The following MYO3B variants were observed in gnomAD, a reference collection of about 807,000 sequenced individuals.
MYO3B encodes the protein myosin-IIIb.
Under a neutral mutation model 174.6 loss-of-function variants are expected in MYO3B, and 156 were observed. The ratio of observed to expected loss-of-function variants is 0.89; its 90% confidence interval spans 0.78 to 1.02. MYO3B has a LOEUF of 1.02. Among genes scored for constraint, MYO3B ranks in the 50% least tolerant of loss-of-function variants. MYO3B has a pLI of 0.00. For missense variants in MYO3B, 1,632 were observed against 1,639.4 expected (o/e 1.00, Z 0.08); for synonymous variants, 563 against 569.1 (o/e 0.99, Z 0.15).
chr2:170,620,566 C>T (rs894981264), intron 32 of MYO3B, among the ~76,000 whole-genome samples: 1 of 152,202 alleles, frequency 6.6e-6, no homozygotes, highest in African/African-American at 2.4e-5. Context: ...GCATGAGATT[C>T]CCATGTCAGA....
At chr2:170,526,152 A>G (rs189851457) in intron 30 of MYO3B, among the ~76,000 whole-genome samples, 23 of 152,314 alleles carry the variant, frequency 1.5e-4, no homozygotes, top group African/African-American at 5.5e-4. Flanking sequence ...TGAATTACTT[A>G]CGAGCTATGA....
At chr2:170,440,481 A>G (rs1288263869) in intron 22 of MYO3B, among the ~76,000 whole-genome samples, 1 of 152,178 alleles carries the variant, frequency 6.6e-6, no homozygotes, top group African/African-American at 2.4e-5. Context: ...TTTTTGGTGT[A>G]AAAGTCTTTT....
intron 25 of MYO3B, among the ~76,000 whole-genome samples, chr2:170,470,937 T>C (rs1684941482): frequency 6.6e-6 from 1 of 152,168 alleles, no homozygotes; most frequent in South Asian, 2.1e-4. Context: ...GTATTCCAAA[T>C]ATTAGTCCCT....
chr2:170,478,522 T>TACACACACACAC (rs60349340), intron 25 of MYO3B, among the ~76,000 whole-genome samples: 15 of 126,100 alleles, frequency 1.2e-4, no homozygotes, highest in African/African-American at 3.7e-4. Flanking sequence ...GGTGTTATTG[T>TACACACACACAC]ACACACACAC....
At chr2:170,438,608 T>C (rs2094774499) in intron 22 of MYO3B, among the ~76,000 whole-genome samples, 1 of 152,144 alleles carries the variant, frequency 6.6e-6, no homozygotes, top group South Asian at 2.1e-4. Flanking sequence ...GTTTCTTTGA[T>C]GATGACCATC....
rs562551371 is a variant in MYO3B, at chr2:170,631,815, A to C, written c.3734-19813A>C. On this transcript the variant is annotated intron_variant, in intron 32 of 34. Coordinates refer to ENST00000408978, the MANE Select transcript of MYO3B (RefSeq NM_138995.5). ...AGGGATGGAGGAAGATCTACCAAGCAAACGGAAAACAAAAAAAGGCAGGGG... is the reference window on the plus strand; with the variant it reads ...AGGGATGGAGGAAGATCTACCAAGCCAACGGAAAACAAAAAAAGGCAGGGG... 3.0e-4 allele frequency among the ~76,000 whole-genome samples: 45 copies of C among 152,314 alleles called. No homozygotes were observed. In the South Asian group the frequency reaches 9.1e-3, roughly 31 times the overall value.
intron 22 of MYO3B, among the ~76,000 whole-genome samples, chr2:170,416,478 G>A (rs10207384): frequency 0.95 from 141,237 of 148,820 alleles, 67,402 homozygotes; most frequent in East Asian, 1. Context: ...AGCTAAGATT[G>A]TGCCGTTGCA....
At chr2:170,444,786 A>G (rs1233272838) in intron 23 of MYO3B, among the ~76,000 whole-genome samples, 2 of 152,218 alleles carry the variant, frequency 1.3e-5, no homozygotes, top group Non-Finnish European at 2.9e-5. Flanking sequence ...TGTTAAAAAT[A>G]ATTTTTTACC....
chr2:170,496,636 T>A (rs539309093), intron 25 of MYO3B, among the ~76,000 whole-genome samples: 23 of 148,572 alleles, frequency 1.5e-4, no homozygotes, highest in East Asian at 1.4e-3. Flanking sequence ...ATACATATTT[T>A]TATATATATG....
intron 10 of MYO3B, 150 bp from the exon 11 acceptor site, chr2:170,382,923 G>T (rs1003629189): frequency 5.3e-6 from 3 of 563,756 alleles, no homozygotes; most frequent in African/African-American, 3.7e-5. Flanking sequence ...TTAATGAATT[G>T]GGATCATTAG....
intron 7 of MYO3B, among the ~76,000 whole-genome samples, chr2:170,324,657 C>T (rs557993555): frequency 2.6e-5 from 4 of 152,334 alleles, no homozygotes; most frequent in East Asian, 3.9e-4. Context: ...CACTTTTCAG[C>T]GCTGAATCTA....
chr2:170,192,298 TC>T (rs1194830212), intron 1 of MYO3B, among the ~76,000 whole-genome samples: 1 of 131,692 alleles, frequency 7.6e-6, no homozygotes, highest in Non-Finnish European at 1.7e-5. Context: ...TCTTTTGGGT[TC>T]AATTTTTTTT....
chr2:170,399,830 G>A (rs2094463663), intron 16 of MYO3B, among the ~76,000 whole-genome samples: 1 of 152,164 alleles, frequency 6.6e-6, no homozygotes, highest in African/African-American at 2.4e-5. Context: ...AGAGGTTCAG[G>A]TTGCAGAGCA....
chr2:170,233,817 A>G (rs2093038349), intron 6 of MYO3B, among the ~76,000 whole-genome samples: 1 of 152,224 alleles, frequency 6.6e-6, no homozygotes, highest in African/African-American at 2.4e-5. Flanking sequence ...TTTCTGGAAG[A>G]GAGCAGGAAT....
chr2:170,563,413 A>G (rs888572708), intron 32 of MYO3B, among the ~76,000 whole-genome samples: 4 of 152,172 alleles, frequency 2.6e-5, no homozygotes, highest in Non-Finnish European at 5.9e-5. Flanking sequence ...ATGAGAAGAG[A>G]GATGACCTTC....
chr2:170,201,426 A>C (rs2092660182), intron 3 of MYO3B, among the ~76,000 whole-genome samples: 1 of 152,156 alleles, frequency 6.6e-6, no homozygotes, highest in African/African-American at 2.4e-5. Flanking sequence ...ACCAGCCCTC[A>C]CTTCACTGTC....
intron 32 of MYO3B, among the ~76,000 whole-genome samples, chr2:170,628,415 G>T (rs1019236705): frequency 6.6e-6 from 1 of 152,214 alleles, no homozygotes; most frequent in Non-Finnish European, 1.5e-5. Flanking sequence ...ATTAGGGTGG[G>T]AGTGACCCGA....
At chr2:170,199,113 G>A (rs923695012) in intron 1 of MYO3B, 95 bp from the exon 2 acceptor site, 5 of 819,570 alleles carry the variant, frequency 6.1e-6, no homozygotes, top group East Asian at 5.4e-5. Flanking sequence ...GTAACATGAG[G>A]TTGCTGGTTA....
chr2:170,322,840 G>T (rs1043014692), intron 7 of MYO3B, among the ~76,000 whole-genome samples: 1 of 152,172 alleles, frequency 6.6e-6, no homozygotes, highest in Non-Finnish European at 1.5e-5. Context: ...CCTACCTGGT[G>T]TGTGTGCCAG....
Sources: allele counts gnomAD v4.1 joint callset (sites outside exome capture counted in the v4.1 genomes callset), GRCh38; gene constraint gnomAD v4.1.1; transcripts MANE v1.5; gene names NCBI Gene and HGNC (gene_info 2026-07-23, HGNC 2026-07-21).